Variants in FRMD4B observed in about 807,000 individuals in gnomAD.
FRMD4B encodes the protein FERM domain containing 4B.
A neutral mutation model predicts 141.5 loss-of-function variants in FRMD4B; 74 were observed. The observed-to-expected ratio is 0.52, with a 90% CI of 0.43 to 0.63. The LOEUF is 0.63. FRMD4B is among the 30% of genes least tolerant of loss of function. The pLI, the probability that FRMD4B is intolerant of heterozygous loss-of-function variation, is 0.00. For synonymous variants in FRMD4B, 506 were observed against 467.9 expected, an observed-to-expected ratio of 1.08 and a Z score of -1.05; for missense variants, 1,366 against 1,253.4, an observed-to-expected ratio of 1.09 and a Z score of -1.36.
At position 69,301,213 on chromosome 3, in the gene FRMD4B, C is replaced by A. The variant is rs1701207722; in HGVS notation, c.416+1130G>T. Among the ~76,000 whole-genome samples the A allele has an allele frequency of 2.0e-5, 3 of 152,284 alleles. No homozygotes were observed. The South Asian group carries it at 6.2e-4, about 32-fold the overall frequency. Reference sequence around the variant, plus strand: ...CAAAGTTTATCATAAAATTTTTCATCAAACTTAGGAAAGTGGGGAGAGGGG... The same window carrying A: ...CAAAGTTTATCATAAAATTTTTCATAAAACTTAGGAAAGTGGGGAGAGGGG... On this transcript the variant is annotated intron_variant, in intron 4 of 22. Coordinates refer to ENST00000398540, the MANE Select transcript of FRMD4B (RefSeq NM_015123.3).
rs2092867740 is a variant in FRMD4B, at chr3:69,193,782, C to T, written c.1580G>A (p.Cys527Tyr). Residue 527 changes from cysteine to tyrosine, a missense_variant, in exon 17 of 23, where the codon TGT (cysteine) becomes TAT (tyrosine). Coordinates refer to ENST00000398540, the MANE Select transcript of FRMD4B (RefSeq NM_015123.3). Reference sequence around the variant, plus strand: ...CTTTCGCTTTTTCTTCACAGTTTTACAAAGGTCTGGCTCATTGGCAAGTTT... The same window carrying T: ...CTTTCGCTTTTTCTTCACAGTTTTATAAAGGTCTGGCTCATTGGCAAGTTT... ...AKKLANEPDL[C>Y]KTVKKKRKQD... is the part of the protein sequence containing the mutation. 6.2e-7 allele frequency: 1 copy of T among 1,613,582 alleles called. No individual in the cohort carries two copies.
At position 69,181,585 on chromosome 3, in the gene FRMD4B, C is replaced by T. The variant is rs2092708919; in HGVS notation, c.2165G>A (p.Ser722Asn). 2 of 1,613,730 alleles carry T rather than the reference C, an allele frequency of 1.2e-6. No homozygotes were observed. The highest frequency in any genetic ancestry group is 2.2e-5 in the East Asian group (1 of 44,868). The change falls in exon 21 of 23, where the codon AGC (serine) becomes AAC (asparagine). Residue 722 changes from serine (S) to asparagine (N), a missense_variant. By Grantham distance (46) the Ser-to-Asn change is conservative. Transcript: ENST00000398540. ...FSLSKSQRSSSTEILDDGSSY... is the reference protein window; with the variant it reads ...FSLSKSQRSSNTEILDDGSSY... Reference sequence around the variant, plus strand: ...AGACCCGTCATCGAGGATTTCTGTGCTGCTGCTTCTTTGGGATTTGGAGAG... The same window carrying T: ...AGACCCGTCATCGAGGATTTCTGTGTTGCTGCTTCTTTGGGATTTGGAGAG...
intron 1 of FRMD4B, among the ~76,000 whole-genome samples, chr3:69,319,724 C>T (rs1474838734): frequency 6.6e-6 from 1 of 152,200 alleles, no homozygotes; most frequent in Admixed American, 6.5e-5. Context: ...AGCACTCCAA[C>T]TGATGTTAGA....
intron 2 of FRMD4B, among the ~76,000 whole-genome samples, chr3:69,393,480 G>T (rs1481401003): frequency 6.6e-6 from 1 of 152,174 alleles, no homozygotes; most frequent in Non-Finnish European, 1.5e-5. Context: ...TGGGAGGATG[G>T]TTCCAGGGAA....
chr3:69,230,218 C>G (rs2093294279), intron 7 of FRMD4B, among the ~76,000 whole-genome samples: 1 of 152,002 alleles, frequency 6.6e-6, no homozygotes, highest in African/African-American at 2.4e-5. Context: ...CCTCGTGATC[C>G]ACCTGCCTTG....
chr3:69,516,289 C>G (rs1700754675), intron 1 of FRMD4B, among the ~76,000 whole-genome samples: 1 of 152,166 alleles, frequency 6.6e-6, no homozygotes, highest in Non-Finnish European at 1.5e-5. Context: ...ATATCATTTA[C>G]ATGACAAAAG....
At chr3:69,278,488 G>A (rs1358223219) in intron 5 of FRMD4B, among the ~76,000 whole-genome samples, 5 of 151,882 alleles carry the variant, frequency 3.3e-5, no homozygotes, top group South Asian at 2.1e-4. Flanking sequence ...TGTAGGCACA[G>A]GGTCTTGCTA....
chr3:69,285,897 T>C (rs999226000), intron 5 of FRMD4B, among the ~76,000 whole-genome samples: 5 of 150,302 alleles, frequency 3.3e-5, no homozygotes, highest in African/African-American at 1.2e-4. Context: ...AAGAGAAAAA[T>C]TTAAAAGCAG....
At chr3:69,341,545 T>C in intron 1 of FRMD4B, among the ~76,000 whole-genome samples, 1 of 152,182 alleles carries the variant, frequency 6.6e-6, no homozygotes. Context: ...ACAGAGCCCA[T>C]GTTAATTATG....
At chr3:69,480,984 G>A (rs547858212) in intron 1 of FRMD4B, among the ~76,000 whole-genome samples, 17 of 152,290 alleles carry the variant, frequency 1.1e-4, no homozygotes, top group Non-Finnish European at 2.1e-4. Context: ...AGCAATCAGC[G>A]AGACTCCGTG....
chr3:69,379,039 G>C (rs1704046868), intron 1 of FRMD4B, among the ~76,000 whole-genome samples: 1 of 151,996 alleles, frequency 6.6e-6, no homozygotes, highest in South Asian at 2.1e-4. Flanking sequence ...TTCCTTAACT[G>C]TCTCCCTTAC....
At chr3:69,365,558 G>A (rs1303615592) in intron 1 of FRMD4B, among the ~76,000 whole-genome samples, 1 of 150,522 alleles carries the variant, frequency 6.6e-6, no homozygotes, top group Admixed American at 6.6e-5. Context: ...AGGCTGGGGT[G>A]CAGTGAAGCA....
rs193299658 is a variant in FRMD4B, at chr3:69,316,283, C to T, written c.163-2766G>A. Among the ~76,000 whole-genome samples, 34 of 152,222 alleles carry T rather than the reference C, an allele frequency of 2.2e-4. No homozygotes were observed. In the East Asian group the frequency reaches 5.8e-3, roughly 26 times the overall value. ...GGCAAAGCCAAGGTCAAATATACAC[C>T]TTGGGTGGCAAGGGGAAACAGAGCA... On this transcript the variant is annotated intron_variant, in intron 1 of 22. Coordinates refer to ENST00000398540, the MANE Select transcript of FRMD4B (RefSeq NM_015123.3).
chr3:69,452,625 T>C (rs1705519474), intron 1 of FRMD4B, among the ~76,000 whole-genome samples: 1 of 152,180 alleles, frequency 6.6e-6, no homozygotes, highest in Non-Finnish European at 1.5e-5. Flanking sequence ...ATAGAAAAAG[T>C]GACACTTGGG....
At chr3:69,476,581 G>C (rs1338159956) in intron 1 of FRMD4B, among the ~76,000 whole-genome samples, 1 of 152,158 alleles carries the variant, frequency 6.6e-6, no homozygotes, top group Non-Finnish European at 1.5e-5. Context: ...TTTGGTACCA[G>C]TACCCTGCTG....
At chr3:69,399,467 TC>T (rs1446551572) in intron 2 of FRMD4B, among the ~76,000 whole-genome samples, 1 of 152,236 alleles carries the variant, frequency 6.6e-6, no homozygotes, top group Admixed American at 6.5e-5. Flanking sequence ...CTCAACTTGT[TC>T]AGAGAAAATG....
At chr3:69,247,751 C>A (rs1166620415) in intron 7 of FRMD4B, among the ~76,000 whole-genome samples, 1 of 152,230 alleles carries the variant, frequency 6.6e-6, no homozygotes, top group African/African-American at 2.4e-5. Flanking sequence ...CGGGTTCACG[C>A]CATTCTCCTG....
chr3:69,272,868 G>A (rs998859517), intron 5 of FRMD4B, among the ~76,000 whole-genome samples: 6 of 152,172 alleles, frequency 3.9e-5, no homozygotes, highest in Admixed American at 2.6e-4. Flanking sequence ...GTCTTTCCAT[G>A]AATGTGTACT....
intron 1 of FRMD4B, among the ~76,000 whole-genome samples, chr3:69,444,560 G>A (rs1323548782): frequency 6.6e-6 from 1 of 152,130 alleles, no homozygotes; most frequent in Non-Finnish European, 1.5e-5. Context: ...ACATCTCATG[G>A]ATTTCTGTGT....
Sources: allele counts gnomAD v4.1 joint callset (sites outside exome capture counted in the v4.1 genomes callset), GRCh38; gene constraint gnomAD v4.1.1; transcripts MANE v1.5; gene names NCBI Gene and HGNC (gene_info 2026-07-23, HGNC 2026-07-21).